The following SNCB variants were observed in gnomAD, a reference collection of about 807,000 sequenced individuals.
SNCB encodes the protein synuclein beta.
A neutral mutation model predicts 20.0 loss-of-function variants in SNCB; 8 were observed. That is an observed-to-expected ratio of 0.40 (90% CI 0.24 to 0.72). The LOEUF is 0.72. Ranked by LOEUF, SNCB falls within the 30% of genes least tolerant of loss-of-function variation. The probability of loss-of-function intolerance (pLI) is 0.37; values close to 1 mark genes in which losing one functional copy is unlikely to be tolerated. For synonymous variants in SNCB, 56 were observed against 65.4 expected, an observed-to-expected ratio of 0.86 and a Z score of 0.69; for missense variants, 125 against 168.0, an observed-to-expected ratio of 0.74 and a Z score of 1.41.
At position 176,621,077 on chromosome 5, in the gene SNCB, TG is replaced by T; in HGVS notation, c.372+136del. On this transcript the variant is annotated intron_variant, in intron 5 of 5. Coordinates refer to ENST00000393693, the MANE Select transcript of SNCB (RefSeq NM_003085.5). The surrounding 1 kb of genome is among the most constrained non-coding windows in gnomAD (Gnocchi z 4.1). Reference sequence around the variant, plus strand: ...CCCTCTCCTCCCTGCTCCCACCTCCTGGGGCCTGGGTTCTAGAAGAGGGATG... The same window carrying T: ...CCCTCTCCTCCCTGCTCCCACCTCCTGGGCCTGGGTTCTAGAAGAGGGATG... 1.2e-6 allele frequency: 1 copy of T among 807,248 alleles called. No homozygotes were observed. Among genetic ancestry groups the T allele is most frequent in the Non-Finnish European group, 2.1e-6 (1 of 476,624 alleles). The allele number at this position is 807,248 out of a possible 1,614,324, so 50.0% of individuals were successfully genotyped here.
At chr5:176,624,180 G>A (rs531608530) in intron 4 of SNCB, among the ~76,000 whole-genome samples, 1 of 152,322 alleles carries the variant, frequency 6.6e-6, no homozygotes, top group African/African-American at 2.4e-5. Flanking sequence ...CACAGCCTGG[G>A]GCTGACAGGC....
chr5:176,627,472 C>T (rs1048887941), intron 2 of SNCB, among the ~76,000 whole-genome samples: 1 of 152,216 alleles, frequency 6.6e-6, no homozygotes, highest in Non-Finnish European at 1.5e-5. Context: ...ATTGGCTGGG[C>T]CTTCCTCGGA....
chr5:176,626,609 C>G lies in SNCB; in HGVS notation c.164-93G>C, dbSNP rs113702437. ...AGTATCCCAGGGCCTGCCCTCCCCA[C>G]GGAGCATTCCCGCAGAAGCCTTGGG... On this transcript the variant is annotated intron_variant, in intron 3 of 5. Transcript: ENST00000393693. This position sits in a 1 kb window ranked among gnomAD's most constrained non-coding sequence, Gnocchi z 4.2. 16 of 1,516,516 alleles carry G rather than the reference C, an allele frequency of 1.1e-5. No homozygotes were observed. In the South Asian group the frequency reaches 1.5e-4, roughly 14 times the overall value. 93.9% of individuals were successfully genotyped at this position (1,516,516 alleles called of 1,614,324 possible). A position where few individuals can be genotyped will look rare whatever the true frequency, so the allele number is the denominator to read the frequency against.
At position 176,624,802 on chromosome 5, in the gene SNCB, C is replaced by CAAAA. The variant is rs1282224621; in HGVS notation, c.282+1592_282+1595dup. Among the ~76,000 whole-genome samples the CAAAA allele has an allele frequency of 6.5e-4, 33 of 50,858 alleles. 1 individual carries two copies. The highest frequency in any genetic ancestry group is 9.1e-3 in the Middle Eastern group (1 of 110). 33.4% of individuals were successfully genotyped at this position (50,858 alleles called of 152,430 possible). ...GGGCAACAAGAGCAAAACTCCGTCT[C>CAAAA]AAAAAAAAAAAAAAACAAAAAAAAA... On this transcript the variant is annotated intron_variant, in intron 4 of 5. Transcript: ENST00000393693.
At position 176,629,795 on chromosome 5, in the gene SNCB, TCCC is replaced by T. The variant is rs1196858986; in HGVS notation, c.-9-135_-9-133del. The stretch of plus-strand genomic sequence containing the variant: ...CTGGACCCTGAGCCCCCTCCCGCTT[TCCC>T]CCCATCCCACCCCACTCCCCAGTGC... On this transcript the variant is annotated intron_variant, in intron 1 of 5. Coordinates refer to ENST00000393693, the MANE Select transcript of SNCB (RefSeq NM_003085.5). The surrounding 1 kb of genome is among the most constrained non-coding windows in gnomAD (Gnocchi z 4.1). 1 of 1,217,066 alleles carries T rather than the reference TCCC, an allele frequency of 8.2e-7. No homozygotes were observed. Among genetic ancestry groups the T allele is most frequent in the Non-Finnish European group, 1.1e-6 (1 of 895,108 alleles). The allele number at this position is 1,217,066 out of a possible 1,614,324, so 75.4% of individuals were successfully genotyped here.
chr5:176,622,085 C>G (rs369709613), intron 4 of SNCB, among the ~76,000 whole-genome samples: 2 of 152,362 alleles, frequency 1.3e-5, no homozygotes, highest in African/African-American at 4.8e-5. Flanking sequence ...AGCATTGGTG[C>G]TGGGGAAAGC....
At chr5:176,628,904 T>G (rs1760145972) in intron 2 of SNCB, among the ~76,000 whole-genome samples, 1 of 151,924 alleles carries the variant, frequency 6.6e-6, no homozygotes. Flanking sequence ...TACCAGCCAG[T>G]GGTTGCAAGG....
chr5:176,620,263 C>CGTAT lies in SNCB; in HGVS notation c.*547_*548insATAC. On this transcript the variant is annotated 3_prime_UTR_variant, in exon 6 of 6. Transcript: ENST00000393693. The surrounding 1 kb of genome is among the most constrained non-coding windows in gnomAD (Gnocchi z 4.5). ...CTCGGGGGCGGCCGGGCCCACCCGC[C>CGTAT]CGGGACACGCTCACATGGGGGGGAT... is the stretch of plus-strand genomic sequence containing the variant. 4 of 149,856 alleles carry CGTAT rather than the reference C, an allele frequency of 2.7e-5. No homozygotes were observed. The highest frequency in any genetic ancestry group is 1.3e-4 in the Admixed American group (2 of 15,208). The allele number at this position is 149,856 out of a possible 1,614,324, so 9.3% of individuals were successfully genotyped here.
Position 176,626,414 on chromosome 5 carries a change from A to G in SNCB, c.266T>C (p.Phe89Ser). Residue 89 changes from phenylalanine to serine, a missense_variant, in exon 4 of 6, where the codon TTC (phenylalanine) becomes TCC (serine). Physicochemically the swap from Phe to Ser is radical, Grantham distance 155. Coordinates refer to ENST00000393693, the MANE Select transcript of SNCB (RefSeq NM_003085.5). This position sits in a 1 kb window ranked among gnomAD's most constrained non-coding sequence, Gnocchi z 4.2. The stretch of plus-strand genomic sequence containing the variant: ...ATCGCTTACCTTCAGATCAGTAGGG[A>G]ATTCCTCCCTCTTCACCAGTCCTGT... ...AATGLVKREE[F>S]PTDLKPEEVA... is the part of the protein sequence containing the mutation. The G allele has an allele frequency of 6.2e-7, 1 of 1,611,246 alleles. No individual in the cohort carries two copies. Among genetic ancestry groups the G allele is most frequent in the Non-Finnish European group, 8.5e-7 (1 of 1,177,790 alleles).
rs771426940 is a variant in SNCB, at chr5:176,626,750, G to A, written c.133C>T (p.Arg45Ter). Reference protein sequence around the residue: ...EGVLYVGSKTREGVVQGVASV... With the variant: ...EGVLYVGSKT Reference sequence around the variant, plus strand: ...GCCACACCTTGTACCACACCTTCTCGGGTCTTGCTTCCTGCAGGGAGAAAA... The same window carrying A: ...GCCACACCTTGTACCACACCTTCTCAGGTCTTGCTTCCTGCAGGGAGAAAA... Residue 45 changes from arginine (R) to a stop codon, truncating the protein, a stop_gained, in exon 3 of 6, where the codon CGA (arginine) becomes TGA (stop). Transcript: ENST00000393693. LOFTEE classifies it high-confidence loss of function. This position sits in a 1 kb window ranked among gnomAD's most constrained non-coding sequence, Gnocchi z 4.2. 7 of 1,613,946 alleles carry A rather than the reference G, an allele frequency of 4.3e-6. No homozygotes were observed. In the Admixed American group the frequency reaches 5.0e-5, roughly 12 times the overall value.
intron 2 of SNCB, among the ~76,000 whole-genome samples, chr5:176,627,671 G>T (rs1760060205): frequency 6.6e-6 from 1 of 152,152 alleles, no homozygotes; most frequent in African/African-American, 2.4e-5. Flanking sequence ...GGGGGTGGGG[G>T]AAGAGGCTGG....
intron 4 of SNCB, among the ~76,000 whole-genome samples, chr5:176,624,818 C>A (rs1976141): frequency 0.51 from 66,614 of 131,588 alleles, 16,887 homozygotes; most frequent in Admixed American, 0.58. Context: ...AAAAAAAAAA[C>A]AAAAAAAAAC....
chr5:176,624,976 G>A (rs1581170706), intron 4 of SNCB, among the ~76,000 whole-genome samples: 1 of 152,174 alleles, frequency 6.6e-6, no homozygotes, highest in East Asian at 1.9e-4. Context: ...ACAGCCTGGT[G>A]GATGCACTCA....
At chr5:176,627,693 A>C (rs1379601592) in intron 2 of SNCB, among the ~76,000 whole-genome samples, 1 of 152,190 alleles carries the variant, frequency 6.6e-6, no homozygotes, top group African/African-American at 2.4e-5. Flanking sequence ...GTGGGAAGAC[A>C]GGGTTCTCAG....
Position 176,629,318 on chromosome 5 carries a change from C to T in SNCB, c.121+216G>A, listed in dbSNP as rs1561903140. Reference sequence around the variant, plus strand: ...CTGGTCCCTGGCCTTTCAGCTGGAGCCCCCCACCTCATCAGCCCGCCCCGT... The same window carrying T: ...CTGGTCCCTGGCCTTTCAGCTGGAGTCCCCCACCTCATCAGCCCGCCCCGT... On this transcript the variant is annotated intron_variant, in intron 2 of 5. Coordinates refer to ENST00000393693, the MANE Select transcript of SNCB (RefSeq NM_003085.5). The surrounding 1 kb of genome is among the most constrained non-coding windows in gnomAD (Gnocchi z 4.1). The T allele has an allele frequency of 1.7e-6, 1 of 587,566 alleles. No individual in the cohort carries two copies. Among genetic ancestry groups the T allele is most frequent in the Non-Finnish European group, 3.0e-6 (1 of 329,550 alleles). 36.4% of individuals were successfully genotyped at this position (587,566 alleles called of 1,614,324 possible).
intron 4 of SNCB, among the ~76,000 whole-genome samples, chr5:176,623,093 A>G (rs927150033): frequency 9.9e-5 from 15 of 152,278 alleles, no homozygotes; most frequent in African/African-American, 3.4e-4. Context: ...GATAGAAGCC[A>G]GGAAGCAAGG....
At chr5:176,628,499 G>A (rs1446414553) in intron 2 of SNCB, among the ~76,000 whole-genome samples, 1 of 152,100 alleles carries the variant, frequency 6.6e-6, no homozygotes, top group African/African-American at 2.4e-5. Context: ...AGTCTCTCGT[G>A]GCCATGATAA....
intron 4 of SNCB, among the ~76,000 whole-genome samples, chr5:176,625,785 G>A (rs1351443793): frequency 2.0e-5 from 3 of 152,110 alleles, no homozygotes; most frequent in Non-Finnish European, 2.9e-5. Context: ...CCTGAAATTC[G>A]CTTCCCACAC....
chr5:176,626,937 A>G lies in SNCB; in HGVS notation c.122-176T>C, dbSNP rs1351455869. On this transcript the variant is annotated intron_variant, in intron 2 of 5. Coordinates refer to ENST00000393693, the MANE Select transcript of SNCB (RefSeq NM_003085.5). This position sits in a 1 kb window ranked among gnomAD's most constrained non-coding sequence, Gnocchi z 4.2. ...CCGTCTTATCACTGCACTGGGCCCC[A>G]CACCTCTGTCTGCAAGGGTTGCAGT... 6.6e-6 allele frequency among the ~76,000 whole-genome samples: 1 copy of G among 151,750 alleles called. No homozygotes were observed. Among genetic ancestry groups the G allele is most frequent in the East Asian group, 1.9e-4 (1 of 5,180 alleles).
Sources: allele counts gnomAD v4.1 joint callset (sites outside exome capture counted in the v4.1 genomes callset), GRCh38; gene constraint gnomAD v4.1.1; non-coding constraint Gnocchi (gnomAD v3.1); transcripts MANE v1.5; gene names NCBI Gene and HGNC (gene_info 2026-07-23, HGNC 2026-07-21).